The following ADAMTS6 variants were observed in gnomAD, a reference collection of about 807,000 sequenced individuals.
ADAMTS6 encodes A disintegrin and metalloproteinase with thrombospondin motifs 6.
ADAMTS6 carries 23 observed loss-of-function variants against 144.3 expected under a neutral mutation model. The observed-to-expected ratio is 0.16, with a 90% CI of 0.11 to 0.23. ADAMTS6 has a LOEUF of 0.23. Among genes scored for constraint, ADAMTS6 ranks in the 10% least tolerant of loss-of-function variants. The pLI is 1.00. For missense variants in ADAMTS6, 999 were observed against 1,379.6 expected, an observed-to-expected ratio of 0.72 and a Z score of 4.37; for synonymous variants, 444 against 457.5, an observed-to-expected ratio of 0.97 and a Z score of 0.38.
At chr5:65,314,004 G>A (rs1249816228) in intron 9 of ADAMTS6, among the ~76,000 whole-genome samples, 1 of 151,774 alleles carries the variant, frequency 6.6e-6, no homozygotes, top group East Asian at 1.9e-4. Flanking sequence ...CTGAAACATG[G>A]GCAAAAAAGA....
At chr5:65,303,419 G>C (rs1029474211) in intron 9 of ADAMTS6, among the ~76,000 whole-genome samples, 1 of 151,906 alleles carries the variant, frequency 6.6e-6, no homozygotes, top group African/African-American at 2.4e-5. Flanking sequence ...TCCAATTAAT[G>C]ATATGTCTTC....
intron 7 of ADAMTS6, among the ~76,000 whole-genome samples, chr5:65,339,014 T>G (rs537676673): frequency 6.6e-6 from 1 of 152,256 alleles, no homozygotes; most frequent in African/African-American, 2.4e-5. Flanking sequence ...CAAGCCACTC[T>G]TGGCAGGCAC....
chr5:65,173,295 A>C (rs1418484603), intron 22 of ADAMTS6, among the ~76,000 whole-genome samples: 1 of 152,176 alleles, frequency 6.6e-6, no homozygotes, highest in Non-Finnish European at 1.5e-5. Flanking sequence ...CTCTATCCTT[A>C]GCCCCGTCAG....
chr5:65,244,574 T>C (rs1476698616), intron 14 of ADAMTS6, among the ~76,000 whole-genome samples: 3 of 152,108 alleles, frequency 2.0e-5, no homozygotes, highest in African/African-American at 4.8e-5. Context: ...ACAATAACAA[T>C]AGCGAGCTAG....
intron 2 of ADAMTS6, among the ~76,000 whole-genome samples, chr5:65,473,238 A>T (rs566880252): frequency 5.9e-5 from 9 of 152,208 alleles, no homozygotes; most frequent in Admixed American, 5.9e-4. Context: ...CACAGCATAA[A>T]TGTTTGGATT....
At position 65,428,941 on chromosome 5, in the gene ADAMTS6, T is replaced by C. The variant is rs566776907; in HGVS notation, c.1073+22534A>G. Among the ~76,000 whole-genome samples the C allele has an allele frequency of 2.6e-5, 4 of 152,266 alleles. No individual in the cohort carries two copies. In the East Asian group the frequency reaches 5.8e-4, roughly 22 times the overall value. On this transcript the variant is annotated intron_variant, in intron 7 of 24. Coordinates refer to ENST00000381055, the MANE Select transcript of ADAMTS6 (RefSeq NM_197941.4). The stretch of plus-strand genomic sequence containing the variant: ...ACATGAAATTGAAAATAAATTTACA[T>C]TGATGGGGTTCAGGACATGCTATCC...
chr5:65,392,503 G>A (rs1753006957), intron 7 of ADAMTS6, among the ~76,000 whole-genome samples: 1 of 152,054 alleles, frequency 6.6e-6, no homozygotes, highest in Admixed American at 6.5e-5. Flanking sequence ...TAGTTTTTCA[G>A]TGATTTACAA....
chr5:65,325,146 G>A (rs1746038519), intron 9 of ADAMTS6, among the ~76,000 whole-genome samples: 1 of 152,132 alleles, frequency 6.6e-6, no homozygotes, highest in Non-Finnish European at 1.5e-5. Context: ...GGAGGAGTGG[G>A]GAGGAGGGTA....
intron 7 of ADAMTS6, among the ~76,000 whole-genome samples, chr5:65,400,299 C>T (rs1230466462): frequency 2.0e-5 from 3 of 152,142 alleles, no homozygotes; most frequent in Non-Finnish European, 4.4e-5. Flanking sequence ...AATTCCTGAG[C>T]TCATGAGCTC....
At chr5:65,352,672 CT>C (rs1165101730) in intron 7 of ADAMTS6, among the ~76,000 whole-genome samples, 1 of 151,918 alleles carries the variant, frequency 6.6e-6, no homozygotes, top group Non-Finnish European at 1.5e-5. Flanking sequence ...TTTACTTAGC[CT>C]AAAAAATGTG....
intron 7 of ADAMTS6, among the ~76,000 whole-genome samples, chr5:65,395,429 A>G (rs16893792): frequency 0.047 from 7,230 of 152,238 alleles, 359 homozygotes; most frequent in African/African-American, 0.13. Context: ...TTTTAACACA[A>G]CACTGTTGGA....
intron 10 of ADAMTS6, among the ~76,000 whole-genome samples, chr5:65,293,941 G>A (rs1742573641): frequency 6.6e-6 from 1 of 152,094 alleles, no homozygotes; most frequent in South Asian, 2.1e-4. Context: ...AAAACCATAT[G>A]GATCTTTAAA....
chr5:65,162,084 G>A (rs1005271634), intron 24 of ADAMTS6, among the ~76,000 whole-genome samples: 28 of 152,270 alleles, frequency 1.8e-4, no homozygotes, highest in African/African-American at 6.3e-4. Context: ...AAATTAACAC[G>A]TATCCATTTT....
At chr5:65,312,994 C>A (rs906357156) in intron 9 of ADAMTS6, among the ~76,000 whole-genome samples, 3 of 151,952 alleles carry the variant, frequency 2.0e-5, no homozygotes, top group South Asian at 2.1e-4. Flanking sequence ...AAACTCTTAC[C>A]AGTCAATTAG....
At chr5:65,296,019 T>A (rs1271900191) in intron 10 of ADAMTS6, among the ~76,000 whole-genome samples, 2 of 152,136 alleles carry the variant, frequency 1.3e-5, no homozygotes, top group Non-Finnish European at 2.9e-5. Flanking sequence ...CACATTAGGA[T>A]ATACTCTTAA....
At chr5:65,234,621 T>C (rs1758529640) in intron 15 of ADAMTS6, among the ~76,000 whole-genome samples, 1 of 152,058 alleles carries the variant, frequency 6.6e-6, no homozygotes, top group Admixed American at 6.6e-5. Flanking sequence ...TAGGTAAGGA[T>C]GTGGAGAAAA....
rs1197635699 is a variant in ADAMTS6 at position 65,214,723 on chromosome 5, C to G, written c.2575+71G>C. ...TTCCAATTAGCTTTTTTAACAAACA[C>G]AAAGCATAGCTCAGAATGTGTTTTG... On this transcript the variant is annotated intron_variant, in intron 20 of 24. Transcript: ENST00000381055. This position sits in a 1 kb window ranked among gnomAD's most constrained non-coding sequence, Gnocchi z 4.6. 1 of 1,608,182 alleles carries G rather than the reference C, an allele frequency of 6.2e-7. No homozygotes were observed. Among genetic ancestry groups the G allele is most frequent in the Non-Finnish European group, 8.5e-7 (1 of 1,176,476 alleles).
At chr5:65,480,943 CAT>C (rs1761156622) in intron 1 of ADAMTS6, among the ~76,000 whole-genome samples, 1 of 152,094 alleles carries the variant, frequency 6.6e-6, no homozygotes, top group Non-Finnish European at 1.5e-5. Context: ...CTACAAAATG[CAT>C]AAGACTTTTC....
chr5:65,348,876 T>C (rs1479325289), intron 7 of ADAMTS6, among the ~76,000 whole-genome samples: 1 of 152,050 alleles, frequency 6.6e-6, no homozygotes, highest in African/African-American at 2.4e-5. Flanking sequence ...AAACTATACT[T>C]GATACCAGCA....
Sources: gnomAD v4.1 joint callset for allele counts (sites outside exome capture counted in the v4.1 genomes callset) on GRCh38, gnomAD v4.1.1 for gene constraint, Gnocchi (gnomAD v3.1) non-coding constraint, MANE v1.5 for transcripts, NCBI Gene and HGNC (gene_info 2026-07-23, HGNC 2026-07-21) for gene names.